The following TMEM117 variants were observed in gnomAD, a reference collection of about 807,000 sequenced individuals.
TMEM117 encodes transmembrane protein 117.
In TMEM117, 27 loss-of-function variants were observed where a neutral mutation model predicts 52.4. That is an observed-to-expected ratio of 0.51 (90% CI 0.38 to 0.71). TMEM117 has a LOEUF of 0.71. TMEM117 is among the 30% of genes least tolerant of loss of function. The probability of loss-of-function intolerance (pLI) is 0.00; values close to 1 mark genes in which losing one functional copy is unlikely to be tolerated. For synonymous variants in TMEM117, 215 were observed against 206.3 expected, an observed-to-expected ratio of 1.04 and a Z score of -0.36; for missense variants, 556 against 630.5, an observed-to-expected ratio of 0.88 and a Z score of 1.26.
chr12:43,806,447 G>C, the TMEM117 span: 8 of 1,065,278 alleles, frequency 7.5e-6, no homozygotes, highest in South Asian at 3.2e-4. Context: ...CTGCGGTCCA[G>C]CCCCCGGCCT....
the TMEM117 span, among the ~76,000 whole-genome samples, chr12:43,822,430 G>A: frequency 1.3e-5 from 2 of 149,824 alleles, no homozygotes; most frequent in African/African-American, 2.4e-5. Flanking sequence ...ATTAATTTGT[G>A]TAATTTTATA....
chr12:44,214,697 A>G (rs557301456), intron 5 of TMEM117, among the ~76,000 whole-genome samples: 17 of 152,350 alleles, frequency 1.1e-4, no homozygotes, highest in South Asian at 6.2e-4. Context: ...TTTCAAAAGT[A>G]GTATTTCAAA....
intron 6 of TMEM117, among the ~76,000 whole-genome samples, chr12:44,300,928 A>T (rs1419069694): frequency 6.6e-6 from 1 of 152,196 alleles, no homozygotes; most frequent in Non-Finnish European, 1.5e-5. Flanking sequence ...TATCTACAGA[A>T]TTGAATTTTT....
intron 3 of TMEM117, among the ~76,000 whole-genome samples, chr12:43,987,437 T>G (rs1428954039): frequency 6.6e-6 from 1 of 152,190 alleles, no homozygotes; most frequent in Non-Finnish European, 1.5e-5. Flanking sequence ...TTAACATATT[T>G]TAATCTATTT....
chr12:44,054,978 G>A (rs1027237090), intron 3 of TMEM117, among the ~76,000 whole-genome samples: 2 of 152,068 alleles, frequency 1.3e-5, no homozygotes, highest in African/African-American at 4.8e-5. Flanking sequence ...AATAGTATCA[G>A]ACTAGCCACG....
chr12:43,800,644 A>C, the TMEM117 span: 1 of 737,284 alleles, frequency 1.4e-6, no homozygotes, highest in Non-Finnish European at 2.3e-6. Context: ...AACTGAGCTG[A>C]AGTCCACCCA....
At chr12:44,230,198 A>G (rs1263616889) in intron 5 of TMEM117, among the ~76,000 whole-genome samples, 2 of 152,072 alleles carry the variant, frequency 1.3e-5, no homozygotes, top group Non-Finnish European at 2.9e-5. Context: ...GTGGTTCGTG[A>G]CTTGCTGAAT....
At chr12:44,368,517 T>C (rs1266409672) in intron 6 of TMEM117, among the ~76,000 whole-genome samples, 1 of 152,154 alleles carries the variant, frequency 6.6e-6, no homozygotes, top group Non-Finnish European at 1.5e-5. Context: ...ATCATCATTA[T>C]TTTTTCATGG....
chr12:44,354,591 A>G (rs1190513543), intron 6 of TMEM117, among the ~76,000 whole-genome samples: 1 of 152,042 alleles, frequency 6.6e-6, no homozygotes, highest in Non-Finnish European at 1.5e-5. Flanking sequence ...CAATAGATGC[A>G]GAAAAGGCCT....
chr12:44,363,701 C>A (rs909572037), intron 6 of TMEM117, among the ~76,000 whole-genome samples: 1 of 152,098 alleles, frequency 6.6e-6, no homozygotes, highest in African/African-American at 2.4e-5. Flanking sequence ...AAATGTTCTT[C>A]CTATGTTTTG....
chr12:43,970,123 C>T (rs1415135956), intron 3 of TMEM117, among the ~76,000 whole-genome samples: 1 of 152,112 alleles, frequency 6.6e-6, no homozygotes, highest in Admixed American at 6.5e-5. Flanking sequence ...ATTGGATATG[C>T]AGGAGGCAGG....
In TMEM117 at chr12:44,319,930, T is replaced by C. The variant is rs537801480; in HGVS notation, c.768+20191T>C. On this transcript the variant is annotated intron_variant, in intron 6 of 7. Transcript: ENST00000266534. The stretch of plus-strand genomic sequence containing the variant: ...TGTGATTCTGCCCTGTGTTTCCTTA[T>C]CTTCTCATCCAAGTTATTTTTTAAG... Among the ~76,000 whole-genome samples the C allele has an allele frequency of 4.6e-5, 7 of 152,308 alleles. No individual in the cohort carries two copies. The East Asian group carries it at 1.4e-3, about 29-fold the overall frequency.
chr12:44,159,679 G>A (rs1025918143), intron 4 of TMEM117, among the ~76,000 whole-genome samples: 3 of 152,090 alleles, frequency 2.0e-5, no homozygotes, highest in African/African-American at 7.2e-5. Context: ...CTGCGTGCCT[G>A]TGAATTAGCA....
chr12:44,387,751 C>T (rs1952108696), intron 7 of TMEM117, among the ~76,000 whole-genome samples: 1 of 152,020 alleles, frequency 6.6e-6, no homozygotes, highest in Non-Finnish European at 1.5e-5. Context: ...GCTGTGGTGC[C>T]TATAAAACAA....
intron 3 of TMEM117, among the ~76,000 whole-genome samples, chr12:43,989,230 A>G (rs1204106117): frequency 6.6e-6 from 1 of 152,094 alleles, no homozygotes; most frequent in African/African-American, 2.4e-5. Flanking sequence ...TTCCAACTTT[A>G]TATTTCTGGG....
chr12:44,232,329 T>C (rs1234770910), intron 5 of TMEM117, among the ~76,000 whole-genome samples: 1 of 151,572 alleles, frequency 6.6e-6, no homozygotes, highest in Admixed American at 6.6e-5. Flanking sequence ...TTTTTTCTTA[T>C]ATAGATAAAC....
intron 6 of TMEM117, among the ~76,000 whole-genome samples, chr12:44,357,113 A>G (rs2138797177): frequency 6.6e-6 from 1 of 152,266 alleles, no homozygotes; most frequent in East Asian, 1.9e-4. Context: ...GAATTCTTTC[A>G]TAAAATGTCT....
chr12:44,265,448 G>C (rs2138551733), intron 5 of TMEM117, among the ~76,000 whole-genome samples: 1 of 152,234 alleles, frequency 6.6e-6, no homozygotes, highest in East Asian at 1.9e-4. Flanking sequence ...TCATAGAGAG[G>C]CAAAACTAAA....
chr12:44,198,217 G>A (rs976994723), intron 4 of TMEM117, among the ~76,000 whole-genome samples: 58 of 152,210 alleles, frequency 3.8e-4, no homozygotes, highest in Non-Finnish European at 1.0e-4. Flanking sequence ...TGCTGTGTAT[G>A]GTTAGAATAG....
Sources: allele counts gnomAD v4.1 joint callset (sites outside exome capture counted in the v4.1 genomes callset), GRCh38; gene constraint gnomAD v4.1.1; transcripts MANE v1.5; gene names NCBI Gene and HGNC (gene_info 2026-07-23, HGNC 2026-07-21).